NRXN3: variants seen among roughly 807,000 people sequenced by gnomAD.
NRXN3 encodes the protein neurexin 3, also known as neurexin III.
A neutral mutation model predicts 137.6 loss-of-function variants in NRXN3; 32 were observed. The ratio of observed to expected loss-of-function variants is 0.23; its 90% confidence interval spans 0.18 to 0.31. The LOEUF is 0.31. NRXN3 is among the 10% of genes least tolerant of loss of function. NRXN3 has a pLI of 1.00. For synonymous variants in NRXN3, 798 were observed against 784.5 expected (o/e 1.02, Z -0.29); for missense variants, 1,574 against 2,062.5 (o/e 0.76, Z 4.59).
At chr14:79,503,145 C>G (rs2096841233) in intron 16 of NRXN3, among the ~76,000 whole-genome samples, 1 of 152,070 alleles carries the variant, frequency 6.6e-6, no homozygotes, top group Non-Finnish European at 1.5e-5. Flanking sequence ...TTATCTATCT[C>G]TGATTTTTCC....
chr14:79,079,468 A>G (rs566073125), intron 15 of NRXN3, among the ~76,000 whole-genome samples: 2 of 152,204 alleles, frequency 1.3e-5, no homozygotes, highest in Non-Finnish European at 2.9e-5. Flanking sequence ...TTACCTTACT[A>G]TATTAGGTTA....
At chr14:79,268,960 T>C (rs913203200) in intron 15 of NRXN3, among the ~76,000 whole-genome samples, 1 of 152,230 alleles carries the variant, frequency 6.6e-6, no homozygotes, top group African/African-American at 2.4e-5. Flanking sequence ...TTACGTCACA[T>C]TATTTGATCC....
chr14:78,549,371 A>G (rs112720060), intron 4 of NRXN3, among the ~76,000 whole-genome samples: 48 of 152,060 alleles, frequency 3.2e-4, no homozygotes, highest in African/African-American at 1.1e-3. Flanking sequence ...TGTTCACTTG[A>G]TTACTCTTAG....
At chr14:79,702,745 A>ACACTT (rs1463193203) in intron 19 of NRXN3, among the ~76,000 whole-genome samples, 2 of 152,046 alleles carry the variant, frequency 1.3e-5, no homozygotes, top group African/African-American at 2.4e-5. Context: ...AATTGCACAA[A>ACACTT]CACTTCCTCT....
At chr14:78,507,895 G>A (rs1157039647) in intron 4 of NRXN3, among the ~76,000 whole-genome samples, 1 of 152,196 alleles carries the variant, frequency 6.6e-6, no homozygotes, top group Admixed American at 6.5e-5. Flanking sequence ...CTTTTGAATA[G>A]ATTATGAACT....
chr14:78,778,678 TTTTCTTTCTTTCTTTCTTTC>T (rs56391630), intron 8 of NRXN3, among the ~76,000 whole-genome samples: 101 of 114,524 alleles, frequency 8.8e-4, no homozygotes, highest in African/African-American at 1.9e-3. Flanking sequence ...TTCTCTTTTC[TTTTCTTTCTTTCTTTCTTTC>T]TTTCTTTCTT....
chr14:78,804,788 A>C lies in NRXN3; in HGVS notation c.2248+965A>C, dbSNP rs202082933. ...TTTGGCAAGGAAAAAACAAACAAAC[A>C]CTCCATTTCTGCTGTTTCTAATCAG... On this transcript the variant is annotated intron_variant, in intron 9 of 20. Coordinates refer to ENST00000335750, the MANE Select transcript of NRXN3 (RefSeq NM_001330195.2). 7.9e-5 allele frequency among the ~76,000 whole-genome samples: 12 copies of C among 152,046 alleles called. No homozygotes were observed. The East Asian group carries it at 2.1e-3, about 27-fold the overall frequency.
chr14:78,800,369 C>G (rs1403546859), intron 8 of NRXN3, among the ~76,000 whole-genome samples: 2 of 152,224 alleles, frequency 1.3e-5, no homozygotes, highest in African/African-American at 4.8e-5. Context: ...AAGCACCAGG[C>G]GAATAGTAAA....
chr14:79,645,441 C>A (rs1160034984), intron 16 of NRXN3, among the ~76,000 whole-genome samples: 1 of 133,184 alleles, frequency 7.5e-6, no homozygotes, highest in South Asian at 2.4e-4. Flanking sequence ...CATGGTGAAA[C>A]CCCATCTCTA....
At chr14:79,213,869 A>G (rs983874922) in intron 15 of NRXN3, among the ~76,000 whole-genome samples, 8 of 152,314 alleles carry the variant, frequency 5.3e-5, no homozygotes, top group African/African-American at 1.9e-4. Flanking sequence ...TGTTCACACG[A>G]CCAGGTAGCA....
At chr14:79,358,609 G>GAT (rs1566902282) in intron 15 of NRXN3, among the ~76,000 whole-genome samples, 1 of 53,354 alleles carries the variant, frequency 1.9e-5, no homozygotes, top group Admixed American at 2.1e-4. Context: ...GAAAGAAAGA[G>GAT]AAAGAAAGAA....
At chr14:79,694,222 A>G (rs528219759) in intron 18 of NRXN3, among the ~76,000 whole-genome samples, 4 of 151,924 alleles carry the variant, frequency 2.6e-5, no homozygotes, top group East Asian at 1.9e-4. Context: ...TAACCTCTCT[A>G]TATCTCAGAT....
chr14:78,681,635 T>C (rs759134197), intron 6 of NRXN3, among the ~76,000 whole-genome samples: 58 of 152,198 alleles, frequency 3.8e-4, no homozygotes, highest in Admixed American at 1.3e-4. Context: ...ACTTGGTTTA[T>C]TTTATAGACT....
chr14:78,263,284 G>A lies in NRXN3; in HGVS notation c.710-15361G>A, dbSNP rs540495631. On this transcript the variant is annotated intron_variant, in intron 2 of 20. Coordinates refer to ENST00000335750, the MANE Select transcript of NRXN3 (RefSeq NM_001330195.2). The stretch of plus-strand genomic sequence containing the variant: ...GCAGATGTTAGCTTCGTTTCCTTTA[G>A]GAGTAAAGTATTTGTATGATTTTAT... 3.9e-5 allele frequency among the ~76,000 whole-genome samples: 6 copies of A among 152,172 alleles called. No homozygotes were observed. The South Asian group carries it at 1.2e-3, about 32-fold the overall frequency.
At chr14:79,256,667 G>A (rs956848587) in intron 15 of NRXN3, among the ~76,000 whole-genome samples, 3 of 152,152 alleles carry the variant, frequency 2.0e-5, no homozygotes, top group Admixed American at 1.3e-4. Flanking sequence ...GCTGGAACAG[G>A]GACAGAGATC....
At chr14:79,401,713 C>A (rs752192236) in intron 15 of NRXN3, among the ~76,000 whole-genome samples, 5 of 151,940 alleles carry the variant, frequency 3.3e-5, no homozygotes, top group Non-Finnish European at 7.4e-5. Flanking sequence ...GTGGCTTGTT[C>A]CAGGTGTTAT....
intron 4 of NRXN3, among the ~76,000 whole-genome samples, chr14:78,385,801 T>G (rs2089889200): frequency 6.6e-6 from 1 of 152,148 alleles, no homozygotes; most frequent in African/African-American, 2.4e-5. Context: ...CACTCTTTAT[T>G]CCTCCATTTA....
intron 15 of NRXN3, among the ~76,000 whole-genome samples, chr14:79,343,589 C>T (rs1382963452): frequency 6.6e-6 from 1 of 152,128 alleles, no homozygotes; most frequent in Non-Finnish European, 1.5e-5. Context: ...CAGAAGATGA[C>T]CTACCAAGGC....
intron 16 of NRXN3, among the ~76,000 whole-genome samples, chr14:79,488,186 G>A (rs1397652362): frequency 1.3e-5 from 2 of 152,200 alleles, no homozygotes; most frequent in Non-Finnish European, 2.9e-5. Context: ...GTCACCCATG[G>A]ACATTGATTG....
Sources: allele counts gnomAD v4.1 joint callset (sites outside exome capture counted in the v4.1 genomes callset), GRCh38; gene constraint gnomAD v4.1.1; transcripts MANE v1.5; gene names NCBI Gene and HGNC (gene_info 2026-07-23, HGNC 2026-07-21).